Variants in PARD3B observed in about 807,000 individuals in gnomAD.
PARD3B encodes par-3 family cell polarity regulator beta, also known as partitioning defective 3 homolog B.
In PARD3B, 103 loss-of-function variants were observed where a neutral mutation model predicts 130.2. The ratio of observed to expected loss-of-function variants is 0.79; its 90% CI spans 0.67 to 0.93. The LOEUF (loss-of-function observed/expected upper bound fraction) is 0.93, where lower values mean the gene tolerates loss of function less well. PARD3B is among the 40% of genes least tolerant of loss of function. The pLI is 0.00. For synonymous variants in PARD3B, 583 were observed against 553.2 expected, an observed-to-expected ratio of 1.05 and a Z score of -0.76; for missense variants, 1,609 against 1,499.2, an observed-to-expected ratio of 1.07 and a Z score of -1.21.
chr2:204,564,912 A>G (rs2031576937), intron 1 of PARD3B, among the ~76,000 whole-genome samples: 1 of 152,238 alleles, frequency 6.6e-6, no homozygotes, highest in East Asian at 1.9e-4. Flanking sequence ...TTAAAAATAC[A>G]TTTATTATAT....
chr2:205,125,939 T>G lies in PARD3B; in HGVS notation c.1434+202T>G, dbSNP rs2031337697. Among the ~76,000 whole-genome samples the G allele has an allele frequency of 6.6e-6, 1 of 152,212 alleles. No homozygotes were observed. The highest frequency in any genetic ancestry group is 2.4e-5 in the African/African-American group (1 of 41,452). On this transcript the variant is annotated intron_variant, in intron 10 of 22. Transcript: ENST00000406610. The surrounding 1 kb of genome is among the most constrained non-coding windows in gnomAD (Gnocchi z 4.0). The stretch of plus-strand genomic sequence containing the variant: ...GCCAGTGGGTATATGTAAACAGTGA[T>G]TCCGGGGCACAGATTCAAACACCTT...
chr2:205,428,162 C>G (rs137992460), intron 19 of PARD3B, among the ~76,000 whole-genome samples: 58 of 152,062 alleles, frequency 3.8e-4, no homozygotes, highest in African/African-American at 1.2e-3. Flanking sequence ...GCAGGTTGAT[C>G]GCTTGACCTC....
intron 21 of PARD3B, among the ~76,000 whole-genome samples, chr2:205,524,199 C>G (rs530643010): frequency 1.4e-4 from 21 of 152,096 alleles, no homozygotes; most frequent in Middle Eastern, 3.4e-3. Flanking sequence ...TTTTGCCAAG[C>G]CTTTTTTGTG....
At chr2:204,638,677 G>A (rs1013152318) in intron 1 of PARD3B, among the ~76,000 whole-genome samples, 1 of 152,052 alleles carries the variant, frequency 6.6e-6, no homozygotes, top group Non-Finnish European at 1.5e-5. Context: ...AGCATGCCAA[G>A]ATTTTGGGGG....
intron 1 of PARD3B, among the ~76,000 whole-genome samples, chr2:204,577,749 G>GT (rs58398448): frequency 0.044 from 6,665 of 150,738 alleles, 387 homozygotes; most frequent in East Asian, 0.14. Flanking sequence ...TTTAAAAATT[G>GT]TTTTTTTTTC....
intron 1 of PARD3B, among the ~76,000 whole-genome samples, chr2:204,556,286 A>G (rs2030917095): frequency 6.6e-6 from 1 of 152,150 alleles, no homozygotes; most frequent in African/African-American, 2.4e-5. Context: ...GATGTTTTCT[A>G]GGTCTGGGAT....
At chr2:205,107,013 A>T (rs1379730892) in intron 5 of PARD3B, among the ~76,000 whole-genome samples, 2 of 152,212 alleles carry the variant, frequency 1.3e-5, no homozygotes, top group Non-Finnish European at 2.9e-5. Context: ...GGCAGGGAGA[A>T]TCTCATATGC....
At chr2:204,795,152 G>A (rs55845025) in intron 2 of PARD3B, among the ~76,000 whole-genome samples, 6,934 of 152,206 alleles carry the variant, frequency 0.046, 246 homozygotes, top group African/African-American at 0.096. Flanking sequence ...TTAAGCTTAG[G>A]TTAGGAAAAT....
At chr2:204,945,493 G>T (rs78580725) in intron 2 of PARD3B, among the ~76,000 whole-genome samples, 1 of 152,176 alleles carries the variant, frequency 6.6e-6, no homozygotes, top group Non-Finnish European at 1.5e-5. Flanking sequence ...GAACAGAAAA[G>T]GAACACAGTC....
At chr2:204,883,102 G>A (rs563980971) in intron 2 of PARD3B, among the ~76,000 whole-genome samples, 2 of 151,842 alleles carry the variant, frequency 1.3e-5, no homozygotes, top group South Asian at 4.2e-4. Context: ...TGTAACTCTG[G>A]AAATGCTAGA....
In PARD3B at chr2:205,229,076, A is replaced by G. The variant is rs142692583; in HGVS notation, c.2141-16702A>G. Among the ~76,000 whole-genome samples the G allele has an allele frequency of 7.9e-5, 12 of 152,300 alleles. No individual in the cohort carries two copies. The highest frequency in any genetic ancestry group is 2.6e-4 in the African/African-American group (11 of 41,566). On this transcript the variant is annotated intron_variant, in intron 15 of 22. Coordinates refer to ENST00000406610, the MANE Select transcript of PARD3B (RefSeq NM_001302769.2). This position sits in a 1 kb window ranked among gnomAD's most constrained non-coding sequence, Gnocchi z 5.2. ...TTTTGAATTCTGTATCTGAAAGGTC[A>G]CTTATGTCTGTCTCTCTGGGTTTGG...
chr2:205,065,480 TC>T (rs111887033), intron 4 of PARD3B, among the ~76,000 whole-genome samples: 4 of 152,274 alleles, frequency 2.6e-5, no homozygotes, highest in African/African-American at 9.6e-5. Context: ...TTTATTTCAT[TC>T]TGTGCTATGG....
chr2:205,486,959 A>T (rs1041959329), intron 20 of PARD3B, among the ~76,000 whole-genome samples: 2 of 152,336 alleles, frequency 1.3e-5, no homozygotes, highest in Non-Finnish European at 2.9e-5. Context: ...ATATCAGAAC[A>T]TGTTCATAAA....
intron 15 of PARD3B, among the ~76,000 whole-genome samples, chr2:205,206,374 A>ACCTCCC (rs2125837205): frequency 1.1e-5 from 1 of 92,474 alleles, no homozygotes; most frequent in African/African-American, 4.1e-5. Context: ...CCCTCCCCCA[A>ACCTCCC]CCCCACAACA....
chr2:205,507,375 C>A lies in PARD3B; in HGVS notation c.3180+7344C>A, dbSNP rs551308245. 2.0e-4 allele frequency among the ~76,000 whole-genome samples: 30 copies of A among 151,766 alleles called. No individual in the cohort carries two copies. The South Asian group carries it at 6.1e-3, about 31-fold the overall frequency. The stretch of plus-strand genomic sequence containing the variant: ...GACTACAGGCACCCACCACCACGCC[C>A]GGCTAATTTTTTGTATTTTTAGTAG... On this transcript the variant is annotated intron_variant, in intron 21 of 22. Coordinates refer to ENST00000406610, the MANE Select transcript of PARD3B (RefSeq NM_001302769.2).
chr2:204,828,537 T>TA (rs1191779661), intron 2 of PARD3B, among the ~76,000 whole-genome samples: 1 of 152,216 alleles, frequency 6.6e-6, no homozygotes, highest in Admixed American at 6.5e-5. Context: ...AAACTTTACT[T>TA]ACGTCTCTGC....
chr2:204,708,042 G>A (rs1293315641), intron 2 of PARD3B, among the ~76,000 whole-genome samples: 1 of 152,102 alleles, frequency 6.6e-6, no homozygotes, highest in Non-Finnish European at 1.5e-5. Flanking sequence ...AGCAGGATGA[G>A]GATAGAACTC....
intron 18 of PARD3B, among the ~76,000 whole-genome samples, chr2:205,393,943 G>C (rs2045941301): frequency 6.6e-6 from 1 of 152,062 alleles, no homozygotes; most frequent in South Asian, 2.1e-4. Flanking sequence ...AATATTTGCT[G>C]AGAAACTAGG....
At chr2:204,731,851 G>A (rs553043596) in intron 2 of PARD3B, among the ~76,000 whole-genome samples, 57 of 152,122 alleles carry the variant, frequency 3.7e-4, no homozygotes, top group Non-Finnish European at 6.8e-4. Context: ...GACCAGACGA[G>A]GTTGTATTCA....
Sources: allele counts gnomAD v4.1 joint callset (sites outside exome capture counted in the v4.1 genomes callset), GRCh38; gene constraint gnomAD v4.1.1; non-coding constraint Gnocchi (gnomAD v3.1); transcripts MANE v1.5; gene names NCBI Gene and HGNC (gene_info 2026-07-23, HGNC 2026-07-21).